DCDC1: variants seen among roughly 807,000 people sequenced by gnomAD.
The protein encoded by DCDC1 is doublecortin domain-containing protein 1.
Under a neutral mutation model 178.3 loss-of-function variants are expected in DCDC1, and 200 were observed. The ratio of observed to expected loss-of-function variants is 1.12; its 90% CI spans 1.00 to 1.26. The LOEUF is 1.26. Among genes scored for constraint, DCDC1 ranks in the 50% most tolerant of loss-of-function variants. The probability of loss-of-function intolerance (pLI) is 0.00; values close to 1 mark genes in which losing one functional copy is unlikely to be tolerated. For missense variants in DCDC1, 1,983 were observed against 1,749.2 expected (o/e 1.13, Z -2.38); for synonymous variants, 690 against 604.8 (o/e 1.14, Z -2.07).
intron 20 of DCDC1, among the ~76,000 whole-genome samples, chr11:31,012,449 A>T (rs1270514098): frequency 3.3e-5 from 5 of 151,800 alleles, no homozygotes; most frequent in African/African-American, 4.8e-5. Flanking sequence ...AAATATATAT[A>T]TTTTTAATTA....
chr11:31,364,272 C>A (rs7108340), intron 1 of DCDC1, among the ~76,000 whole-genome samples: 43,483 of 151,944 alleles, frequency 0.29, 6,357 homozygotes, highest in African/African-American at 0.32. Context: ...AAATGCATAT[C>A]CCCACATGAC....
chr11:30,941,789 A>G (rs376735875), intron 21 of DCDC1, among the ~76,000 whole-genome samples: 50 of 152,306 alleles, frequency 3.3e-4, no homozygotes, highest in African/African-American at 1.1e-3. Context: ...CTGAAAAAGC[A>G]TCTAATCATG....
chr11:31,210,304 C>T (rs1972339789), intron 9 of DCDC1, among the ~76,000 whole-genome samples: 2 of 152,168 alleles, frequency 1.3e-5, no homozygotes, highest in Admixed American at 1.3e-4. Flanking sequence ...GTTCCCAGTT[C>T]CAGAAAGGTA....
At chr11:31,053,523 C>T (rs190339322) in intron 20 of DCDC1, among the ~76,000 whole-genome samples, 1 of 152,004 alleles carries the variant, frequency 6.6e-6, no homozygotes, top group East Asian at 1.9e-4. Context: ...AAGGACATAA[C>T]CAAAAAAGAA....
intron 9 of DCDC1, among the ~76,000 whole-genome samples, chr11:31,232,589 T>C (rs1975919063): frequency 6.6e-6 from 1 of 152,152 alleles, no homozygotes; most frequent in Non-Finnish European, 1.5e-5. Context: ...TATCTCAATC[T>C]CCTTTTCAAA....
intron 9 of DCDC1, among the ~76,000 whole-genome samples, chr11:31,193,067 A>C (rs369562309): frequency 6.6e-6 from 1 of 152,066 alleles, no homozygotes; most frequent in East Asian, 1.9e-4. Flanking sequence ...TCAGGCCTTC[A>C]GTTTCAGACT....
chr11:31,292,247 TAA>T (rs1288517143), intron 6 of DCDC1, among the ~76,000 whole-genome samples: 2 of 152,104 alleles, frequency 1.3e-5, no homozygotes, highest in African/African-American at 4.8e-5. Flanking sequence ...AAATAAGCTA[TAA>T]GTTAATGAGT....
At position 31,065,159 on chromosome 11, in the gene DCDC1, A is replaced by G. The variant is rs773477133; in HGVS notation, c.2299-6T>C. 1 of 740,550 alleles carries G rather than the reference A, an allele frequency of 1.4e-6. No individual in the cohort carries two copies. 45.9% of individuals were successfully genotyped at this position (740,550 alleles called of 1,614,324 possible). On this transcript the variant is annotated splice_region_variant and splice_polypyrimidine_tract_variant and intron_variant, in intron 18 of 38. Coordinates refer to ENST00000684477, the MANE Select transcript of DCDC1 (RefSeq NM_001387274.1). ...AGAACAAACTGAGGATAAGCCTGTA[A>G]GAAAGGAAAAAATAACAAGTAGTAT...
At chr11:31,268,681 A>C (rs1945343425) in intron 7 of DCDC1, among the ~76,000 whole-genome samples, 1 of 152,152 alleles carries the variant, frequency 6.6e-6, no homozygotes, top group African/African-American at 2.4e-5. Context: ...GCTGTGATGA[A>C]CACACGAGTG....
rs568824290 is a variant in DCDC1, at chr11:31,089,214, C to T, written c.2237+2179G>A. Reference sequence around the variant, plus strand: ...CACTGGGGAAAGTTTTCTATATTAACGGGTTCCTCCCCACCTCCTCTTTTA... The same window carrying T: ...CACTGGGGAAAGTTTTCTATATTAATGGGTTCCTCCCCACCTCCTCTTTTA... On this transcript the variant is annotated intron_variant, in intron 17 of 38. Transcript: ENST00000684477. Among the ~76,000 whole-genome samples the T allele has an allele frequency of 5.1e-4, 77 of 152,268 alleles. 1 individual carries two copies. The highest frequency in any genetic ancestry group is 1.8e-3 in the African/African-American group (73 of 41,562).
At chr11:31,116,652 A>G (rs1202837064) in intron 11 of DCDC1, among the ~76,000 whole-genome samples, 1 of 152,076 alleles carries the variant, frequency 6.6e-6, no homozygotes, top group Non-Finnish European at 1.5e-5. Flanking sequence ...TATTAAAATT[A>G]TGGGATTCTG....
At chr11:30,944,617 T>A (rs2134415945) in intron 21 of DCDC1, among the ~76,000 whole-genome samples, 1 of 152,338 alleles carries the variant, frequency 6.6e-6, no homozygotes, top group Non-Finnish European at 1.5e-5. Flanking sequence ...ATAAGGTGGA[T>A]TCAGACTTTA....
chr11:31,037,467 C>T (rs1456305593), intron 20 of DCDC1, among the ~76,000 whole-genome samples: 4 of 145,756 alleles, frequency 2.7e-5, no homozygotes, highest in African/African-American at 1.0e-4. Context: ...GAGTCTCGCT[C>T]TGTCACCCAG....
chr11:30,941,563 C>A (rs1046837743), intron 21 of DCDC1, among the ~76,000 whole-genome samples: 1 of 152,078 alleles, frequency 6.6e-6, no homozygotes, highest in African/African-American at 2.4e-5. Flanking sequence ...CTCAATGAAG[C>A]CTTACCTAGT....
At chr11:31,241,790 T>G in intron 8 of DCDC1, 174 bp from the exon 9 acceptor site, 1 of 370,812 alleles carries the variant, frequency 2.7e-6, no homozygotes, top group Non-Finnish European at 4.8e-6. Flanking sequence ...ATGAAGGATG[T>G]ATTTATATTG....
At chr11:30,974,318 T>A in intron 20 of DCDC1, among the ~76,000 whole-genome samples, 1 of 142,090 alleles carries the variant, frequency 7.0e-6, no homozygotes, top group African/African-American at 2.6e-5. Context: ...ACAAAGCACC[T>A]CAAGGGACTA....
At chr11:30,918,170 G>A (rs1945993324) in intron 25 of DCDC1, among the ~76,000 whole-genome samples, 1 of 152,050 alleles carries the variant, frequency 6.6e-6, no homozygotes, top group African/African-American at 2.4e-5. Context: ...TTAGCAGGAT[G>A]CAAACAAGAT....
At chr11:30,982,846 T>C (rs1376101406) in intron 20 of DCDC1, among the ~76,000 whole-genome samples, 1 of 152,142 alleles carries the variant, frequency 6.6e-6, no homozygotes, top group Non-Finnish European at 1.5e-5. Flanking sequence ...AGATGATTGC[T>C]TCTGGGAGCC....
At chr11:31,192,153 G>A (rs528998061) in intron 9 of DCDC1, among the ~76,000 whole-genome samples, 9 of 152,036 alleles carry the variant, frequency 5.9e-5, no homozygotes, top group South Asian at 2.1e-4. Context: ...CACTCTCACC[G>A]TTAGGACCTC....
Sources: allele counts gnomAD v4.1 joint callset (sites outside exome capture counted in the v4.1 genomes callset), GRCh38; gene constraint gnomAD v4.1.1; transcripts MANE v1.5; gene names NCBI Gene and HGNC (gene_info 2026-07-23, HGNC 2026-07-21).